MRAP2: variants seen among roughly 807,000 people sequenced by gnomAD.
MRAP2 encodes the protein melanocortin 2 receptor accessory protein 2, also known as melanocortin-2 receptor accessory protein 2.
MRAP2 carries 20 observed loss-of-function variants against 17.4 expected under a neutral mutation model. The ratio of observed to expected loss-of-function variants is 1.15; its 90% CI spans 0.81 to 1.67. The LOEUF (loss-of-function observed/expected upper bound fraction) is 1.67, where lower values mean the gene tolerates loss of function less well. Ranked by LOEUF, MRAP2 falls within the 40% of genes most tolerant of loss-of-function variation. MRAP2 has a pLI of 0.00. For synonymous variants in MRAP2, 96 were observed against 88.4 expected, an observed-to-expected ratio of 1.09 and a Z score of -0.48; for missense variants, 238 against 240.0, an observed-to-expected ratio of 0.99 and a Z score of 0.05.
the MRAP2 span, among the ~76,000 whole-genome samples, chr6:84,101,074 G>C: frequency 6.6e-6 from 1 of 152,072 alleles, no homozygotes; most frequent in Non-Finnish European, 1.5e-5. Context: ...ATTGACTTAT[G>C]ATGGTAACAT....
At chr6:84,077,837 A>T (rs1464417337) in intron 3 of MRAP2, among the ~76,000 whole-genome samples, 2 of 152,218 alleles carry the variant, frequency 1.3e-5, no homozygotes, top group Non-Finnish European at 2.9e-5. Context: ...CTTCAAAGTA[A>T]AAGCTCCTAG....
the MRAP2 span, among the ~76,000 whole-genome samples, chr6:84,135,763 T>G: frequency 6.3e-3 from 952 of 152,240 alleles, 4 homozygotes; most frequent in African/African-American, 0.022. Flanking sequence ...CTCAGGAAGC[T>G]GAGACATAAG....
intron 2 of MRAP2, among the ~76,000 whole-genome samples, chr6:84,058,170 C>T (rs2099492172): frequency 6.6e-6 from 1 of 152,166 alleles, no homozygotes; most frequent in South Asian, 2.1e-4. Flanking sequence ...TAGGTTTCAA[C>T]AGATCACTCT....
chr6:84,115,562 C>T, the MRAP2 span, among the ~76,000 whole-genome samples: 2 of 152,098 alleles, frequency 1.3e-5, no homozygotes, highest in African/African-American at 4.8e-5. Flanking sequence ...CTGGCTTCAG[C>T]CCCCTTTCTA....
chr6:84,105,925 T>C, the MRAP2 span, among the ~76,000 whole-genome samples: 1 of 152,170 alleles, frequency 6.6e-6, no homozygotes, highest in Non-Finnish European at 1.5e-5. Context: ...AGTGGGTCAC[T>C]AGGGGTAATG....
At chr6:84,048,212 C>T (rs1350468006) in intron 1 of MRAP2, among the ~76,000 whole-genome samples, 1 of 152,198 alleles carries the variant, frequency 6.6e-6, no homozygotes, top group Non-Finnish European at 1.5e-5. Flanking sequence ...TCCACAGCGG[C>T]TGTACCTTTT....
intron 1 of MRAP2, among the ~76,000 whole-genome samples, chr6:84,038,687 G>T (rs1408904073): frequency 6.6e-6 from 1 of 152,032 alleles, no homozygotes; most frequent in Non-Finnish European, 1.5e-5. Context: ...TAGAGACGTG[G>T]TTTTGCTATG....
At chr6:84,060,280 CCT>C (rs1182992393) in intron 2 of MRAP2, among the ~76,000 whole-genome samples, 1 of 152,138 alleles carries the variant, frequency 6.6e-6, no homozygotes, top group African/African-American at 2.4e-5. Context: ...AGGCTGTAAC[CCT>C]CCCATGCTTC....
chr6:84,072,065 T>C (rs1411289795), intron 3 of MRAP2, among the ~76,000 whole-genome samples: 2 of 152,202 alleles, frequency 1.3e-5, no homozygotes, highest in African/African-American at 4.8e-5. Context: ...TCCCAAATTC[T>C]TTTTCAGGTA....
At position 84,063,356 on chromosome 6, in the gene MRAP2, A is replaced by G. The variant is rs536804197; in HGVS notation, c.227+364A>G. ...CATATTAAAAACAGTGGAAAAGACA[A>G]TGGCAAAATAGGATGAAAACCAGTT... On this transcript the variant is annotated intron_variant, in intron 3 of 3. Transcript: ENST00000257776. The G allele has an allele frequency of 1.2e-5, 12 of 985,432 alleles. No homozygotes were observed. The South Asian group carries it at 2.3e-4, about 19-fold the overall frequency. The allele number at this position is 985,432 out of a possible 1,614,324, so 61.0% of individuals were successfully genotyped here. A position where few individuals can be genotyped will look rare whatever the true frequency, so the allele number is the denominator to read the frequency against.
chr6:84,117,495 CTT>C, the MRAP2 span, among the ~76,000 whole-genome samples: 1 of 146,440 alleles, frequency 6.8e-6, no homozygotes, highest in Non-Finnish European at 1.5e-5. Flanking sequence ...TGGTCCTGGG[CTT>C]TTTTTTTTGG....
chr6:84,131,175 T>A, the MRAP2 span, among the ~76,000 whole-genome samples: 1 of 152,216 alleles, frequency 6.6e-6, no homozygotes, highest in East Asian at 1.9e-4. Context: ...TTGAGTGAGT[T>A]TTTTAATCCT....
chr6:84,131,885 T>C, the MRAP2 span, among the ~76,000 whole-genome samples: 70 of 152,216 alleles, frequency 4.6e-4, no homozygotes, highest in African/African-American at 1.7e-3. Context: ...CCTGTCATTG[T>C]GATGTTAGCT....
chr6:84,117,263 T>C, the MRAP2 span, among the ~76,000 whole-genome samples: 1 of 152,194 alleles, frequency 6.6e-6, no homozygotes, highest in African/African-American at 2.4e-5. Flanking sequence ...GCACATGTGA[T>C]CCGTCCACCT....
intron 3 of MRAP2, among the ~76,000 whole-genome samples, chr6:84,073,861 A>T (rs1284173881): frequency 6.7e-6 from 1 of 150,060 alleles, no homozygotes; most frequent in Non-Finnish European, 1.5e-5. Context: ...TTAAAACATT[A>T]TGAGATATTT....
At chr6:84,051,399 A>T (rs900645400) in intron 1 of MRAP2, among the ~76,000 whole-genome samples, 2 of 152,208 alleles carry the variant, frequency 1.3e-5, no homozygotes, top group Non-Finnish European at 2.9e-5. Flanking sequence ...TACACCAAAA[A>T]TACAAAAATT....
chr6:84,050,908 G>A (rs1016333738), intron 1 of MRAP2, among the ~76,000 whole-genome samples: 2 of 152,170 alleles, frequency 1.3e-5, no homozygotes, highest in African/African-American at 2.4e-5. Flanking sequence ...TGGATTTGTG[G>A]CACTGGCTGG....
At chr6:84,068,022 G>T (rs577217805) in intron 3 of MRAP2, among the ~76,000 whole-genome samples, 1 of 152,080 alleles carries the variant, frequency 6.6e-6, no homozygotes, top group East Asian at 1.9e-4. Context: ...TACAGTTTCA[G>T]GTCTTAAATT....
rs1022015104 is a variant in MRAP2, at chr6:84,089,657, TTTTTG to T, written c.*191_*195del. ...AGCTGAGCTGATTAAGCTGAGTGGT[TTTTTG>T]TTTTGTTTTGTTTTTGCTTTTTAAT... On this transcript the variant is annotated 3_prime_UTR_variant, in exon 4 of 4. Coordinates refer to ENST00000257776, the MANE Select transcript of MRAP2 (RefSeq NM_138409.4). The T allele has an allele frequency of 1.1e-4, 78 of 725,180 alleles. No homozygotes were observed. In the African/African-American group the frequency reaches 1.3e-3, roughly 12 times the overall value. The allele number at this position is 725,180 out of a possible 1,614,324, so 44.9% of individuals were successfully genotyped here. A position where few individuals can be genotyped will look rare whatever the true frequency, so the allele number is the denominator to read the frequency against.
Sources: gnomAD v4.1 joint callset for allele counts (sites outside exome capture counted in the v4.1 genomes callset) on GRCh38, gnomAD v4.1.1 for gene constraint, MANE v1.5 for transcripts, NCBI Gene and HGNC (gene_info 2026-07-23, HGNC 2026-07-21) for gene names.